The following CAPRIN1 variants were observed in gnomAD, a reference collection of about 807,000 sequenced individuals.
CAPRIN1 encodes cell cycle associated protein 1.
In CAPRIN1, 29 loss-of-function variants were observed where a neutral mutation model predicts 100.9. The observed-to-expected ratio is 0.29, with a 90% CI of 0.21 to 0.39. The LOEUF is 0.39. Ranked by LOEUF, CAPRIN1 falls within the 10% of genes least tolerant of loss-of-function variation. The pLI, the probability that CAPRIN1 is intolerant of heterozygous loss-of-function variation, is 1.00. For synonymous variants in CAPRIN1, 338 were observed against 307.5 expected, an observed-to-expected ratio of 1.10 and a Z score of -1.04; for missense variants, 795 against 876.7, an observed-to-expected ratio of 0.91 and a Z score of 1.18.
At chr11:34,093,333 G>T in intron 15 of CAPRIN1, among the ~76,000 whole-genome samples, 1 of 151,846 alleles carries the variant, frequency 6.6e-6, no homozygotes, top group East Asian at 1.9e-4. Flanking sequence ...AAGTAGCTTG[G>T]ACTGCAGGCT....
rs376471525 is a variant in CAPRIN1, at chr11:34,097,743, C to A, written c.2047C>A (p.Pro683Thr). ...NFKRGSGQSG[P>T]RGAPRGRGGP... is the part of the protein sequence containing the mutation. ...CAAGCGAGGCTCTGGGCAGAGTGGACCACGGGGAGCCCCACGAGGTAATAT... is the reference window on the plus strand; with the variant it reads ...CAAGCGAGGCTCTGGGCAGAGTGGAACACGGGGAGCCCCACGAGGTAATAT... Residue 683 changes from proline to threonine, a missense_variant, in exon 18 of 19, where the codon CCA becomes ACA. Coordinates refer to ENST00000341394, the MANE Select transcript of CAPRIN1 (RefSeq NM_005898.5). The A allele has an allele frequency of 9.3e-6, 15 of 1,613,896 alleles. No homozygotes were observed. Among genetic ancestry groups the A allele is most frequent in the South Asian group, 5.5e-5 (5 of 91,088 alleles).
chr11:34,052,505 G>A lies in CAPRIN1; in HGVS notation c.85G>A (p.Ala29Thr). 6.2e-7 allele frequency: 1 copy of A among 1,604,266 alleles called. No individual in the cohort carries two copies. The highest frequency in any genetic ancestry group is 8.5e-7 in the Non-Finnish European group (1 of 1,176,574). Residue 29 changes from alanine (A) to threonine (T), a missense_variant, in exon 2 of 19, where the codon GCC (alanine) becomes ACC (threonine). Physicochemically the swap from Ala to Thr is moderately conservative, Grantham distance 58. Coordinates refer to ENST00000341394, the MANE Select transcript of CAPRIN1 (RefSeq NM_005898.5). ...PPSGSSGSEA[A>T]AGAGAAAPAS... ...GTCGGGTTCCTCCGGGAGTGAGGCG[G>A]CCGCGGGAGCCGGGGCCGCCGCGCC...
At chr11:34,094,963 ACTTCTTCCTTCCAGG>A (rs1316370449) in intron 15 of CAPRIN1, among the ~76,000 whole-genome samples, 1 of 151,534 alleles carries the variant, frequency 6.6e-6, no homozygotes, top group East Asian at 1.9e-4. Flanking sequence ...GCTCACTACA[ACTTCTTCCTTCCAGG>A]CTTAAGCCAT....
chr11:34,067,609 C>T (rs902222729), intron 2 of CAPRIN1, among the ~76,000 whole-genome samples: 2 of 152,000 alleles, frequency 1.3e-5, no homozygotes, highest in African/African-American at 4.8e-5. Flanking sequence ...CCTGTCTCAG[C>T]CTCCCAAGTA....
At chr11:34,091,724 TATATGTCTTTTTCCAC>T in intron 14 of CAPRIN1, 166 bp from the exon 15 acceptor site, 1 of 585,890 alleles carries the variant, frequency 1.7e-6, no homozygotes. Context: ...CTATATGGTA[TATATGTCTTTTTCCAC>T]ATTGAATCAC....
chr11:34,096,535 C>T lies in CAPRIN1; in HGVS notation c.1762C>T (p.Gln588Ter). Residue 588 changes from glutamine (Q) to a stop codon, truncating the protein, a stop_gained, in exon 16 of 19, where the codon CAG (glutamine) becomes TAG (stop). Transcript: ENST00000341394. LOFTEE classifies it high-confidence loss of function. Reference protein sequence around the residue: ...DQSHQVTGNHQQPPQQNTGFP... With the variant: ...DQSHQVTGNH ...GTCCCATCAAGTGACTGGTAACCAC[C>T]AGCAGCCTCCTCAGCAGAACACTGG... The T allele has an allele frequency of 6.2e-7, 1 of 1,614,086 alleles. No individual in the cohort carries two copies. The highest frequency in any genetic ancestry group is 8.5e-7 in the Non-Finnish European group (1 of 1,179,994).
Position 34,086,363 on chromosome 11 carries a change from C to T in CAPRIN1, c.1181C>T (p.Pro394Leu). ...GATCCTGCCATTGTATCTGCACAGC[C>T]TATGAATCCAACACAAAACATGGAC... ...TLDPAIVSAQPMNPTQNMDMP... is the reference protein window; with the variant it reads ...TLDPAIVSAQLMNPTQNMDMP... The change falls in exon 11 of 19, where the codon CCT becomes CTT. Residue 394 changes from proline to leucine, a missense_variant. This residue lies in a region of CAPRIN1 where 648 missense variants were observed against 697.9 expected (regional missense o/e 0.93). Transcript: ENST00000341394. 1 of 1,613,974 alleles carries T rather than the reference C, an allele frequency of 6.2e-7. No homozygotes were observed. Among genetic ancestry groups the T allele is most frequent in the Non-Finnish European group, 8.5e-7 (1 of 1,179,916 alleles).
At chr11:34,085,375 G>A (rs942420158) in intron 9 of CAPRIN1, among the ~76,000 whole-genome samples, 1 of 152,202 alleles carries the variant, frequency 6.6e-6, no homozygotes, top group Non-Finnish European at 1.5e-5. Flanking sequence ...TGAGTGCTAT[G>A]TACCAGGTTG....
At chr11:34,066,525 G>A (rs886726434) in intron 2 of CAPRIN1, among the ~76,000 whole-genome samples, 7 of 151,578 alleles carry the variant, frequency 4.6e-5, no homozygotes, top group African/African-American at 1.7e-4. Context: ...GTAGAGACGG[G>A]GTTTCACCGT....
At chr11:34,093,787 C>G (rs1720643673) in intron 15 of CAPRIN1, among the ~76,000 whole-genome samples, 1 of 48,770 alleles carries the variant, frequency 2.1e-5, no homozygotes, top group Non-Finnish European at 5.3e-5. Context: ...CCATGCCTGG[C>G]TAATTTTTTT....
intron 2 of CAPRIN1, among the ~76,000 whole-genome samples, chr11:34,058,992 G>A (rs1850516334): frequency 7.9e-5 from 12 of 152,200 alleles, no homozygotes. Flanking sequence ...GTATAGAAGA[G>A]TGAGAGGAGT....
At chr11:34,071,846 T>C in intron 3 of CAPRIN1, 55 bp from the exon 4 acceptor site, 1 of 1,585,484 alleles carries the variant, frequency 6.3e-7, no homozygotes, top group East Asian at 2.2e-5. Flanking sequence ...AAGACAAAAA[T>C]TAATTCTGTG....
At chr11:34,065,345 A>C (rs193080063) in intron 2 of CAPRIN1, among the ~76,000 whole-genome samples, 1 of 152,330 alleles carries the variant, frequency 6.6e-6, no homozygotes, top group East Asian at 1.9e-4. Context: ...GGGCTATTAC[A>C]AGTTAATTAC....
In CAPRIN1 at chr11:34,088,591, T is replaced by G. The variant is rs1239587785; in HGVS notation, c.1232-804T>G. ...CAAGAAGCCAAGGTGGGAGGATTTC[T>G]TGAGCCCAGAGTTTGAGACTACAGT... On this transcript the variant is annotated intron_variant, in intron 11 of 18. Transcript: ENST00000341394. 3.3e-5 allele frequency among the ~76,000 whole-genome samples: 5 copies of G among 152,156 alleles called. No homozygotes were observed. The East Asian group carries it at 9.6e-4, about 29-fold the overall frequency.
chr11:34,056,392 C>A (rs1293259973), intron 2 of CAPRIN1: 3 of 152,162 alleles, frequency 2.0e-5, no homozygotes, highest in Non-Finnish European at 2.9e-5. Context: ...AAAAGCTAAG[C>A]ATCTGCTCAT....
At chr11:34,096,398 C>A in intron 15 of CAPRIN1, 81 bp from the exon 16 acceptor site, 1 of 999,044 alleles carries the variant, frequency 1.0e-6, no homozygotes, top group Non-Finnish European at 1.5e-6. Flanking sequence ...GTATAAGACA[C>A]TTCTTAAACT....
At chr11:34,053,827 C>G (rs1205279885) in intron 2 of CAPRIN1, among the ~76,000 whole-genome samples, 1 of 152,140 alleles carries the variant, frequency 6.6e-6, no homozygotes, top group Non-Finnish European at 1.5e-5. Context: ...AGGGGAGAAA[C>G]AAATTAGTCG....
intron 14 of CAPRIN1, 107 bp from the exon 15 acceptor site, chr11:34,091,799 C>A: frequency 1.0e-6 from 1 of 1,000,064 alleles, no homozygotes; most frequent in South Asian, 1.6e-5. Flanking sequence ...TTTGAGACCT[C>A]TGTGATGTCT....
At chr11:34,085,327 A>G (rs1851117596) in intron 9 of CAPRIN1, among the ~76,000 whole-genome samples, 1 of 152,144 alleles carries the variant, frequency 6.6e-6, no homozygotes, top group South Asian at 2.1e-4. Context: ...GGAATGGGAA[A>G]AACCCAAATC....
Sources: gnomAD v4.1 joint callset for allele counts (sites outside exome capture counted in the v4.1 genomes callset) on GRCh38, gnomAD v4.1.1 for gene constraint, gnomAD v4.1.1 regional missense constraint, MANE v1.5 for transcripts, NCBI Gene and HGNC (gene_info 2026-07-23, HGNC 2026-07-21) for gene names.